The following STAU1 variants were observed in gnomAD, a reference collection of about 807,000 sequenced individuals.
STAU1 encodes the protein double-stranded RNA-binding protein Staufen homolog 1.
Under a neutral mutation model 62.9 loss-of-function variants are expected in STAU1, and 13 were observed. The ratio of observed to expected loss-of-function variants is 0.21; its 90% confidence interval spans 0.13 to 0.33. The LOEUF (loss-of-function observed/expected upper bound fraction) is 0.33, where lower values mean the gene tolerates loss of function less well. Among genes scored for constraint, STAU1 ranks in the 10% least tolerant of loss-of-function variants. The pLI is 1.00. For missense variants in STAU1, 571 were observed against 712.1 expected, an observed-to-expected ratio of 0.80 and a Z score of 2.25; for synonymous variants, 269 against 265.1, an observed-to-expected ratio of 1.01 and a Z score of -0.14.
chr20:49,117,520 A>C lies in STAU1; in HGVS notation c.1509+257T>G, dbSNP rs534019203. 6.6e-6 allele frequency among the ~76,000 whole-genome samples: 1 copy of C among 152,172 alleles called. No individual in the cohort carries two copies. The highest frequency in any genetic ancestry group is 2.1e-4 in the South Asian group (1 of 4,814). The stretch of plus-strand genomic sequence containing the variant: ...CTGTTCTTTGAAATCCAAATTTACA[A>C]CCACTGCTAGTGGTTAGAAGCTTTT... On this transcript the variant is annotated intron_variant, in intron 11 of 13. Coordinates refer to ENST00000371856, the MANE Select transcript of STAU1 (RefSeq NM_017453.4). This position sits in a 1 kb window ranked among gnomAD's most constrained non-coding sequence, Gnocchi z 4.6.
intron 3 of STAU1, among the ~76,000 whole-genome samples, chr20:49,161,873 T>C (rs777374427): frequency 6.6e-5 from 10 of 152,182 alleles, no homozygotes; most frequent in Non-Finnish European, 1.2e-4. Context: ...TCTGAACCAG[T>C]TGAAGCCAGG....
intron 6 of STAU1, among the ~76,000 whole-genome samples, chr20:49,126,013 G>C (rs1012881376): frequency 2.0e-5 from 3 of 151,916 alleles, no homozygotes; most frequent in African/African-American, 7.3e-5. Context: ...AATTAAACAT[G>C]AACAGAAAGT....
the STAU1 span, among the ~76,000 whole-genome samples, chr20:49,210,055 AAAT>A: frequency 1.1e-4 from 17 of 152,018 alleles, no homozygotes; most frequent in East Asian, 2.9e-3. Flanking sequence ...TCTCAAAAAA[AAAT>A]AATAATAATA....
At chr20:49,185,946 AT>A (rs2093781370) in intron 1 of STAU1, among the ~76,000 whole-genome samples, 1 of 151,786 alleles carries the variant, frequency 6.6e-6, no homozygotes, top group African/African-American at 2.4e-5. Context: ...GGTTCAAGCG[AT>A]TCTCCTGTCT....
the STAU1 span, among the ~76,000 whole-genome samples, chr20:49,209,447 A>G: frequency 1.3e-5 from 2 of 151,344 alleles, no homozygotes; most frequent in African/African-American, 4.9e-5. Flanking sequence ...TTAAAAAAAA[A>G]AAAAAAAAAA....
chr20:49,210,775 A>T, the STAU1 span, among the ~76,000 whole-genome samples: 3 of 152,110 alleles, frequency 2.0e-5, no homozygotes. Flanking sequence ...CTTCCTTTTA[A>T]TTTTTTCTTT....
intron 1 of STAU1, among the ~76,000 whole-genome samples, chr20:49,184,789 G>C (rs1197908619): frequency 6.6e-6 from 1 of 152,122 alleles, no homozygotes; most frequent in Admixed American, 6.5e-5. Flanking sequence ...TTTAAGAGGT[G>C]TATCTTTCCC....
intron 5 of STAU1, among the ~76,000 whole-genome samples, chr20:49,151,083 A>G (rs2093239946): frequency 6.6e-6 from 1 of 152,208 alleles, no homozygotes; most frequent in Admixed American, 6.5e-5. Flanking sequence ...CAGACTCATA[A>G]GCAAAATAAA....
chr20:49,135,752 T>C, intron 6 of STAU1, 81 bp downstream of exon 6: 1 of 1,000,452 alleles, frequency 1.0e-6, no homozygotes, highest in Non-Finnish European at 1.5e-6. Flanking sequence ...ATTCCAATGA[T>C]ATTTAGGGGA....
At chr20:49,216,426 G>T in the STAU1 span, among the ~76,000 whole-genome samples, 1 of 152,028 alleles carries the variant, frequency 6.6e-6, no homozygotes, top group Non-Finnish European at 1.5e-5. Context: ...TACTCAGGAG[G>T]CTGAGGCACA....
At chr20:49,217,342 T>G in the STAU1 span, among the ~76,000 whole-genome samples, 10 of 152,134 alleles carry the variant, frequency 6.6e-5, no homozygotes, top group Admixed American at 1.3e-4. Flanking sequence ...AGTACAAACA[T>G]GGTTCCTGGA....
chr20:49,176,509 G>T (rs532534798), intron 1 of STAU1, among the ~76,000 whole-genome samples: 72 of 152,214 alleles, frequency 4.7e-4, no homozygotes, highest in Middle Eastern at 3.4e-3. Flanking sequence ...GTTTTTGCTT[G>T]TTTCAGTTTC....
intron 1 of STAU1, among the ~76,000 whole-genome samples, chr20:49,177,125 T>C (rs2093669657): frequency 1.3e-5 from 2 of 151,924 alleles, no homozygotes; most frequent in African/African-American, 4.8e-5. Flanking sequence ...TTAGCCAGGC[T>C]GGTCTCGATC....
In STAU1 at chr20:49,154,411, C is replaced by A. The variant is rs567847202; in HGVS notation, c.206-340G>T. 5.3e-5 allele frequency among the ~76,000 whole-genome samples: 8 copies of A among 152,290 alleles called. No individual in the cohort carries two copies. In the South Asian group the frequency reaches 1.2e-3, roughly 24 times the overall value. On this transcript the variant is annotated intron_variant, in intron 3 of 13. Coordinates refer to ENST00000371856, the MANE Select transcript of STAU1 (RefSeq NM_017453.4). ...CGATTAAAAAATCCCATGTAAATGTCCAAATTGTTTTACTGTTTGAGAATA... is the reference window on the plus strand; with the variant it reads ...CGATTAAAAAATCCCATGTAAATGTACAAATTGTTTTACTGTTTGAGAATA...
Position 49,114,769 on chromosome 20 carries a change from CG to C in STAU1, c.*108del. ...GCTGCTGCCCACATCCTTTACCCAC[CG>C]TGTCTCTCGGCCCACTGGAGGTATC... On this transcript the variant is annotated 3_prime_UTR_variant, in exon 14 of 14. Coordinates refer to ENST00000371856, the MANE Select transcript of STAU1 (RefSeq NM_017453.4). 1 of 1,022,188 alleles carries C rather than the reference CG, an allele frequency of 9.8e-7. No homozygotes were observed. The allele number at this position is 1,022,188 out of a possible 1,614,324, so 63.3% of individuals were successfully genotyped here. A position where few individuals can be genotyped will look rare whatever the true frequency, so the allele number is the denominator to read the frequency against.
intron 3 of STAU1, among the ~76,000 whole-genome samples, chr20:49,165,275 C>T (rs1485176373): frequency 6.6e-6 from 1 of 152,136 alleles, no homozygotes; most frequent in African/African-American, 2.4e-5. Context: ...GAACTCATGA[C>T]CTCGTGATCT....
chr20:49,115,906 G>C (rs768160720), intron 12 of STAU1, 39 bp from the exon 13 acceptor site: 4 of 1,574,542 alleles, frequency 2.5e-6, no homozygotes, highest in Non-Finnish European at 3.5e-6. Context: ...CACAGCCACC[G>C]CTTGGGACCA....
intron 1 of STAU1, among the ~76,000 whole-genome samples, chr20:49,178,926 A>AC (rs1568938119): frequency 2.0e-5 from 3 of 150,040 alleles, no homozygotes; most frequent in Non-Finnish European, 4.4e-5. Context: ...AAAAAAAAAA[A>AC]AACAACTAGC....
At chr20:49,196,221 G>A in the STAU1 span, among the ~76,000 whole-genome samples, 1 of 151,484 alleles carries the variant, frequency 6.6e-6, no homozygotes, top group Non-Finnish European at 1.5e-5. Context: ...CGGATCACGA[G>A]GTCAGGAGAT....
Sources: gnomAD v4.1 joint callset for allele counts (sites outside exome capture counted in the v4.1 genomes callset) on GRCh38, gnomAD v4.1.1 for gene constraint, Gnocchi (gnomAD v3.1) non-coding constraint, MANE v1.5 for transcripts, NCBI Gene and HGNC (gene_info 2026-07-23, HGNC 2026-07-21) for gene names.